The following NRIP2 variants were observed in gnomAD, a reference collection of about 807,000 sequenced individuals.
NRIP2 encodes nuclear receptor-interacting protein 2.
In NRIP2, 27 loss-of-function variants were observed where a neutral mutation model predicts 34.1. The ratio of observed to expected loss-of-function variants is 0.79; its 90% confidence interval spans 0.58 to 1.09. NRIP2 has a LOEUF of 1.09. NRIP2 is among the 50% of genes least tolerant of loss of function. The pLI is 0.00. For synonymous variants in NRIP2, 145 were observed against 146.9 expected (o/e 0.99, Z 0.09); for missense variants, 385 against 352.6 (o/e 1.09, Z -0.74).
intron 2 of NRIP2, among the ~76,000 whole-genome samples, chr12:2,829,438 TA>T (rs2097988648): frequency 6.6e-6 from 1 of 152,186 alleles, no homozygotes; most frequent in Admixed American, 6.5e-5. Context: ...AAGTATAATA[TA>T]ACTCTACTAT....
At chr12:2,833,916 C>G (rs1451772839) in intron 1 of NRIP2, among the ~76,000 whole-genome samples, 7 of 152,222 alleles carry the variant, frequency 4.6e-5, no homozygotes, top group Non-Finnish European at 8.8e-5. Flanking sequence ...GAGCCAGGAT[C>G]TGATCCCAAG....
At position 2,827,392 on chromosome 12, in the gene NRIP2, T is replaced by G; in HGVS notation, c.754-93A>C. 6.5e-7 allele frequency: 1 copy of G among 1,529,572 alleles called. No individual in the cohort carries two copies. Among genetic ancestry groups the G allele is most frequent in the African/African-American group, 1.4e-5 (1 of 72,004 alleles). The allele number at this position is 1,529,572 out of a possible 1,614,324, so 94.8% of individuals were successfully genotyped here. ...TGTTCCCCCTCCCACTTCCCACAGC[T>G]TCCACCTGCCTTTTGCTCTTCCCCC... is the stretch of plus-strand genomic sequence containing the variant. On this transcript the variant is annotated intron_variant, in intron 5 of 5. Coordinates refer to ENST00000337508, the MANE Select transcript of NRIP2 (RefSeq NM_031474.3). The surrounding 1 kb of genome is among the most constrained non-coding windows in gnomAD (Gnocchi z 4.0).
In NRIP2 at chr12:2,827,785, G is replaced by T; in HGVS notation, c.701-108C>A. The T allele has an allele frequency of 6.2e-7, 1 of 1,605,930 alleles. No homozygotes were observed. Among genetic ancestry groups the T allele is most frequent in the South Asian group, 1.1e-5 (1 of 89,992 alleles). ...TGCCCACCCCATCCCCAGATCCGAG[G>T]ACACTGGCACAGAGATGGGGGATAG... On this transcript the variant is annotated intron_variant, in intron 4 of 5. Transcript: ENST00000337508. The surrounding 1 kb of genome is among the most constrained non-coding windows in gnomAD (Gnocchi z 4.0).
intron 1 of NRIP2, among the ~76,000 whole-genome samples, chr12:2,833,639 T>C (rs2098014060): frequency 6.6e-6 from 1 of 152,088 alleles, no homozygotes; most frequent in Admixed American, 6.5e-5. Flanking sequence ...GGGAACCGAG[T>C]GCTCCCAAGC....
chr12:2,833,005 T>C (rs1256553197), intron 1 of NRIP2, among the ~76,000 whole-genome samples: 3 of 151,772 alleles, frequency 2.0e-5, no homozygotes, highest in Non-Finnish European at 4.4e-5. Context: ...AACACAGGCT[T>C]CAGGCCCCTC....
intron 1 of NRIP2, among the ~76,000 whole-genome samples, chr12:2,834,360 C>T (rs538646403): frequency 5.3e-5 from 8 of 152,256 alleles, no homozygotes; most frequent in Admixed American, 3.9e-4. Flanking sequence ...TGTAAGCCCC[C>T]ACTTCTAAAC....
intron 2 of NRIP2, chr12:2,830,450 A>G (rs138623527): frequency 7.4e-6 from 3 of 406,576 alleles, no homozygotes; most frequent in Non-Finnish European, 1.3e-5. Context: ...ACTGAGGAGT[A>G]CTTACTTAAT....
rs2097975150 is a variant in NRIP2 at position 2,827,629 on chromosome 12, A to T, written c.749T>A (p.Leu250His). ...GGCCCTGAGTGGGTGCCTTACCTTGAGAGAAAGCAGAGTCTGCAGGCCCAG... is the reference window on the plus strand; with the variant it reads ...GGCCCTGAGTGGGTGCCTTACCTTGTGAGAAAGCAGAGTCTGCAGGCCCAG... ...FCLGLQTLLSLKCCIDLEHGV... is the reference protein window; with the variant it reads ...FCLGLQTLLSHKCCIDLEHGV... Residue 250 changes from leucine to histidine, a missense_variant, in exon 5 of 6, where the codon CTC becomes CAC. Physicochemically the swap from Leu to His is moderately conservative, Grantham distance 99 (BLOSUM62 -3). Transcript: ENST00000337508. The surrounding 1 kb of genome is among the most constrained non-coding windows in gnomAD (Gnocchi z 4.0). 2 of 1,614,124 alleles carry T rather than the reference A, an allele frequency of 1.2e-6. No homozygotes were observed. The highest frequency in any genetic ancestry group is 1.7e-6 in the Non-Finnish European group (2 of 1,180,038).
At chr12:2,830,611 C>T in intron 2 of NRIP2, 97 bp downstream of exon 2, 2 of 1,334,296 alleles carry the variant, frequency 1.5e-6, no homozygotes, top group Non-Finnish European at 2.0e-6. Flanking sequence ...CTTTCTCCCT[C>T]CCTCCCTCTC....
At chr12:2,833,000 A>G (rs376582342) in intron 1 of NRIP2, among the ~76,000 whole-genome samples, 145 of 152,010 alleles carry the variant, frequency 9.5e-4, no homozygotes, top group African/African-American at 3.1e-3. Context: ...CGATGAACAC[A>G]GGCTTCAGGC....
Position 2,827,706 on chromosome 12 carries a change from G to T in NRIP2, c.701-29C>A, listed in dbSNP as rs1437702627. Reference sequence around the variant, plus strand: ...TAGGAACAATTTGAAAACAGAAGAGGCTGAGGGTTCCCAGTGGTCACTGCT... The same window carrying T: ...TAGGAACAATTTGAAAACAGAAGAGTCTGAGGGTTCCCAGTGGTCACTGCT... On this transcript the variant is annotated intron_variant, in intron 4 of 5. Coordinates refer to ENST00000337508, the MANE Select transcript of NRIP2 (RefSeq NM_031474.3). The surrounding 1 kb of genome is among the most constrained non-coding windows in gnomAD (Gnocchi z 4.0). 1 of 1,613,684 alleles carries T rather than the reference G, an allele frequency of 6.2e-7. No homozygotes were observed.
In NRIP2 at chr12:2,826,918, G is replaced by A; in HGVS notation, c.*289C>T. On this transcript the variant is annotated 3_prime_UTR_variant, in exon 6 of 6. Coordinates refer to ENST00000337508, the MANE Select transcript of NRIP2 (RefSeq NM_031474.3). ...CAAGCAGGCACCCCATTGTGCTTAGGTTCCTATCTGTGGTCTTGATTTGGC... is the reference window on the plus strand; with the variant it reads ...CAAGCAGGCACCCCATTGTGCTTAGATTCCTATCTGTGGTCTTGATTTGGC... The A allele has an allele frequency of 2.6e-6, 3 of 1,172,768 alleles. No homozygotes were observed. Among genetic ancestry groups the A allele is most frequent in the Non-Finnish European group, 2.2e-6 (2 of 923,658 alleles). The allele number at this position is 1,172,768 out of a possible 1,614,324, so 72.6% of individuals were successfully genotyped here. A position where few individuals can be genotyped will look rare whatever the true frequency, so the allele number is the denominator to read the frequency against.
Position 2,834,980 on chromosome 12 carries a change from A to G in NRIP2, c.4T>C (p.Leu2=). Reference sequence around the variant, plus strand: ...GGGAGGGAAAGAGGAAAAATAAATAACATGCAGGAGCAGCCGCGTCAGTCT... The same window carrying G: ...GGGAGGGAAAGAGGAAAAATAAATAGCATGCAGGAGCAGCCGCGTCAGTCT... M[L]FIFPLSLPWR... The change falls in exon 1 of 6, where the codon TTA becomes CTA. Residue 2 remains leucine, a synonymous_variant. Coordinates refer to ENST00000337508, the MANE Select transcript of NRIP2 (RefSeq NM_031474.3). 1 of 1,571,970 alleles carries G rather than the reference A, an allele frequency of 6.4e-7. No individual in the cohort carries two copies.
chr12:2,832,561 C>G (rs10848710), intron 1 of NRIP2, among the ~76,000 whole-genome samples: 22,984 of 151,656 alleles, frequency 0.15, 1,871 homozygotes, highest in South Asian at 0.33. Context: ...GATGTACCCT[C>G]TCCAGGATAC....
In NRIP2 at chr12:2,834,894, GCTT is replaced by G; in HGVS notation, c.87_89del (p.Arg29del). ...GTGGGGGCGTCACCGAGTCCTCTCT[GCTT>G]CTTCCTGCCTGTCTCTGTCCCGTGC... is the stretch of plus-strand genomic sequence containing the variant. On this transcript the variant is annotated inframe_deletion, in exon 1 of 6. Coordinates refer to ENST00000337508, the MANE Select transcript of NRIP2 (RefSeq NM_031474.3). 1 of 1,613,878 alleles carries G rather than the reference GCTT, an allele frequency of 6.2e-7. No individual in the cohort carries two copies. The highest frequency in any genetic ancestry group is 8.5e-7 in the Non-Finnish European group (1 of 1,179,986).
rs918226781 is a variant in NRIP2 at position 2,827,128 on chromosome 12, G to A, written c.*79C>T. 9.4e-6 allele frequency: 15 copies of A among 1,599,508 alleles called. 1 individual carries two copies. In the Middle Eastern group the frequency reaches 5.0e-4, roughly 53 times the overall value. On this transcript the variant is annotated 3_prime_UTR_variant, in exon 6 of 6. Coordinates refer to ENST00000337508, the MANE Select transcript of NRIP2 (RefSeq NM_031474.3). The surrounding 1 kb of genome is among the most constrained non-coding windows in gnomAD (Gnocchi z 4.0). The stretch of plus-strand genomic sequence containing the variant: ...AGACACCATAGTCCCCAGCTACCTG[G>A]CTTCAAGAGCCCCCGTTCCCCACAC...
chr12:2,830,058 C>T (rs1008789842), intron 2 of NRIP2, among the ~76,000 whole-genome samples: 1 of 151,716 alleles, frequency 6.6e-6, no homozygotes, highest in Non-Finnish European at 1.5e-5. Context: ...GCCTGGGTGA[C>T]AGAGCGAGAC....
intron 1 of NRIP2, among the ~76,000 whole-genome samples, chr12:2,832,464 C>T (rs947028128): frequency 1.8e-4 from 28 of 152,020 alleles, no homozygotes; most frequent in Admixed American, 5.9e-4. Flanking sequence ...CTTCTCGAGG[C>T]TAGACTGGAT....
At chr12:2,832,315 A>G (rs1565432422) in intron 1 of NRIP2, among the ~76,000 whole-genome samples, 2 of 152,004 alleles carry the variant, frequency 1.3e-5, no homozygotes, top group Admixed American at 6.6e-5. Flanking sequence ...TCCACAGTCC[A>G]CATGACCGGG....
Sources: allele counts gnomAD v4.1 joint callset (sites outside exome capture counted in the v4.1 genomes callset), GRCh38; gene constraint gnomAD v4.1.1; non-coding constraint Gnocchi (gnomAD v3.1); transcripts MANE v1.5; gene names NCBI Gene and HGNC (gene_info 2026-07-23, HGNC 2026-07-21).